Variants in PANK1 observed in about 807,000 individuals in gnomAD.
PANK1 encodes pantothenate kinase 1.
PANK1 carries 18 observed loss-of-function variants against 40.1 expected under a neutral mutation model. The ratio of observed to expected loss-of-function variants is 0.45; its 90% CI spans 0.31 to 0.67. The LOEUF (loss-of-function observed/expected upper bound fraction) is 0.67. Among genes scored for constraint, PANK1 ranks in the 30% least tolerant of loss-of-function variants. The probability of loss-of-function intolerance (pLI) is 0.06; values close to 1 mark genes in which losing one functional copy is unlikely to be tolerated. For missense variants in PANK1, 457 were observed against 599.6 expected (o/e 0.76, Z 2.48); for synonymous variants, 242 against 237.7 (o/e 1.02, Z -0.17).
At chr10:89,639,160 C>A (rs770016892) in intron 1 of PANK1, 21 of 447,472 alleles carry the variant, frequency 4.7e-5, no homozygotes, top group Non-Finnish European at 8.6e-5. Flanking sequence ...GTTCTGGAGG[C>A]TGAGAAGTCC....
At chr10:89,632,486 T>C (rs1339560013) in intron 1 of PANK1, among the ~76,000 whole-genome samples, 3 of 152,126 alleles carry the variant, frequency 2.0e-5, no homozygotes, top group African/African-American at 7.2e-5. Flanking sequence ...GCCAGGTTTA[T>C]ATCTATTTAA....
At chr10:89,581,453 CTG>C (rs1313535793), downstream of PANK1, 2 of 152,184 alleles carry the variant, frequency 1.3e-5, no homozygotes, top group South Asian at 4.1e-4. Context: ...CAGTCTCACT[CTG>C]TCTCCCAGGC....
At chr10:89,607,506 T>C (rs1422136167) in intron 2 of PANK1, among the ~76,000 whole-genome samples, 3 of 152,228 alleles carry the variant, frequency 2.0e-5, no homozygotes, top group African/African-American at 7.2e-5. Flanking sequence ...GAAATGTGCG[T>C]ACAAGCCATT....
At chr10:89,591,821 C>A (rs1418800562) in intron 5 of PANK1, among the ~76,000 whole-genome samples, 1 of 152,152 alleles carries the variant, frequency 6.6e-6, no homozygotes, top group Non-Finnish European at 1.5e-5. Flanking sequence ...TTGCTCTCTC[C>A]CAAAGGGATT....
At chr10:89,625,628 C>A (rs1166909118) in intron 1 of PANK1, 3 of 152,126 alleles carry the variant, frequency 2.0e-5, no homozygotes, top group African/African-American at 7.2e-5. Context: ...TGATTTGCAA[C>A]CCACGCGGCT....
intron 1 of PANK1, among the ~76,000 whole-genome samples, chr10:89,635,512 C>A (rs1450583483): frequency 6.6e-6 from 1 of 152,176 alleles, no homozygotes. Context: ...AACACTGTTA[C>A]ACTGGGGATT....
intron 5 of PANK1, among the ~76,000 whole-genome samples, chr10:89,592,106 C>T (rs773944554): frequency 6.6e-6 from 1 of 152,204 alleles, no homozygotes; most frequent in Non-Finnish European, 1.5e-5. Flanking sequence ...TTTGAAAAAA[C>T]ATCTCTGGAA....
chr10:89,595,825 A>AT lies in PANK1; in HGVS notation c.900-1837_900-1836insA, dbSNP rs1445692585. ...GAGCCGGACTCCATCTTAAAAAAAA[A>AT]AAAAAAAAATATATATATATATATA... On this transcript the variant is annotated intron_variant, in intron 3 of 6. Coordinates refer to ENST00000307534, the MANE Select transcript of PANK1 (RefSeq NM_148977.3). Among the ~76,000 whole-genome samples, 12 of 69,354 alleles carry AT rather than the reference A, an allele frequency of 1.7e-4. No individual in the cohort carries two copies. In the East Asian group the frequency reaches 2.3e-3, roughly 14 times the overall value. The allele number at this position is 69,354 out of a possible 152,430, so 45.5% of individuals were successfully genotyped here.
intron 1 of PANK1, among the ~76,000 whole-genome samples, chr10:89,620,830 T>C (rs879518373): frequency 6.6e-6 from 1 of 152,116 alleles, no homozygotes; most frequent in Admixed American, 6.6e-5. Flanking sequence ...AGCTGTAAAA[T>C]TTGTCTCTTT....
intron 3 of PANK1, among the ~76,000 whole-genome samples, chr10:89,594,683 G>A (rs929616266): frequency 6.6e-6 from 1 of 152,132 alleles, no homozygotes; most frequent in Non-Finnish European, 1.5e-5. Flanking sequence ...CAGTAACAAA[G>A]GTCATAAAGT....
chr10:89,634,151 A>G (rs937989661), intron 1 of PANK1, among the ~76,000 whole-genome samples: 11 of 152,324 alleles, frequency 7.2e-5, no homozygotes, highest in African/African-American at 2.6e-4. Context: ...CCACAGTAAT[A>G]ATAGCTAACA....
Position 89,645,136 on chromosome 10 carries a change from G to A in PANK1, c.-245C>T. ...GGCCTGGAGCACGCCAGCCCCGGGC[G>A]CGGAATCGGGGATCCCCGCGCACCC... On this transcript the variant is annotated 5_prime_UTR_variant, in exon 1 of 7. Coordinates refer to ENST00000307534, the MANE Select transcript of PANK1 (RefSeq NM_148977.3). The A allele has an allele frequency of 6.6e-7, 1 of 1,508,182 alleles. No individual in the cohort carries two copies. Among genetic ancestry groups the A allele is most frequent in the Middle Eastern group, 1.9e-4 (1 of 5,370 alleles). The allele number at this position is 1,508,182 out of a possible 1,614,324, so 93.4% of individuals were successfully genotyped here.
chr10:89,602,655 G>C (rs11812431), intron 2 of PANK1, among the ~76,000 whole-genome samples: 2,677 of 152,252 alleles, frequency 0.018, 77 homozygotes, highest in African/African-American at 0.061. Context: ...ACTCTTTCTC[G>C]GGGCTTAGTT....
rs75642588 is a variant in PANK1 at position 89,638,868 on chromosome 10, C to T, written c.292+5732G>A. 7.9e-3 allele frequency among the ~76,000 whole-genome samples: 1,211 copies of T among 152,328 alleles called. 15 individuals are homozygous for T. The highest frequency in any genetic ancestry group is 0.028 in the African/African-American group (1,150 of 41,566). Reference sequence around the variant, plus strand: ...GGAGATTTAGACTTTTACTACAGCTCTCCTCCTCTTCTCAGCCTTCACCAG... The same window carrying T: ...GGAGATTTAGACTTTTACTACAGCTTTCCTCCTCTTCTCAGCCTTCACCAG... On this transcript the variant is annotated intron_variant, in intron 1 of 6. Coordinates refer to ENST00000307534, the MANE Select transcript of PANK1 (RefSeq NM_148977.3).
chr10:89,581,305 G>C (rs1030713604), downstream of PANK1: 5 of 152,212 alleles, frequency 3.3e-5, no homozygotes, highest in Admixed American at 3.3e-4. Flanking sequence ...TCCCAACAAA[G>C]AGACTCTGAA....
Position 89,599,356 on chromosome 10 carries a change from G to A in PANK1, c.795C>T (p.Tyr265=). The A allele has an allele frequency of 1.2e-6, 2 of 1,613,900 alleles. No homozygotes were observed. The highest frequency in any genetic ancestry group is 1.7e-6 in the Non-Finnish European group (2 of 1,179,788). Reference sequence around the variant, plus strand: ...ACATAGGGTATGGGTTATCAAGGCAGTACGGCTTTTTTTGACACAATTCAG... The same window carrying A: ...ACATAGGGTATGGGTTATCAAGGCAATACGGCTTTTTTTGACACAATTCAG... The part of the protein sequence containing the change: ...TNPELCQKKP[Y]CLDNPYPMLL... Residue 265 remains tyrosine, a synonymous_variant, in exon 3 of 7, where the codon TAC becomes TAT. Transcript: ENST00000307534.
intron 1 of PANK1, among the ~76,000 whole-genome samples, chr10:89,613,297 CT>C (rs748022965): frequency 6.6e-6 from 1 of 152,182 alleles, no homozygotes; most frequent in Non-Finnish European, 1.5e-5. Context: ...GCAAAAATGG[CT>C]TCCTTCCAAG....
chr10:89,621,567 A>G (rs1845487107), intron 1 of PANK1, among the ~76,000 whole-genome samples: 1 of 152,222 alleles, frequency 6.6e-6, no homozygotes. Context: ...CACAATAGGT[A>G]TCTGAGCCCA....
At chr10:89,598,089 T>C (rs1432608604) in intron 3 of PANK1, among the ~76,000 whole-genome samples, 1 of 152,206 alleles carries the variant, frequency 6.6e-6, no homozygotes, top group African/African-American at 2.4e-5. Context: ...TGTTACCTTA[T>C]GTACTATAGG....
Sources: gnomAD v4.1 joint callset for allele counts (sites outside exome capture counted in the v4.1 genomes callset) on GRCh38, gnomAD v4.1.1 for gene constraint, MANE v1.5 for transcripts, NCBI Gene and HGNC (gene_info 2026-07-23, HGNC 2026-07-21) for gene names.